The following NDUFA10 variants were observed in gnomAD, a reference collection of about 807,000 sequenced individuals.
NDUFA10 encodes NADH:ubiquinone oxidoreductase subunit A10.
A neutral mutation model predicts 47.8 loss-of-function variants in NDUFA10; 40 were observed. The observed-to-expected ratio is 0.84, with a 90% confidence interval of 0.65 to 1.09. The LOEUF (loss-of-function observed/expected upper bound fraction) is 1.09. Ranked by LOEUF, NDUFA10 falls within the 50% of genes least tolerant of loss-of-function variation. The pLI, the probability that NDUFA10 is intolerant of heterozygous loss-of-function variation, is 0.00. For synonymous variants in NDUFA10, 183 were observed against 172.2 expected, an observed-to-expected ratio of 1.06 and a Z score of -0.49; for missense variants, 413 against 451.1, an observed-to-expected ratio of 0.92 and a Z score of 0.76.
rs961738534 is a variant in NDUFA10, at chr2:239,945,483, G to A, written c.294+44591C>T. Among the ~76,000 whole-genome samples the A allele has an allele frequency of 1.3e-5, 2 of 152,084 alleles. No individual in the cohort carries two copies. The highest frequency in any genetic ancestry group is 2.9e-5 in the Non-Finnish European group (2 of 68,022). ...GAAGAGCGGACACCCCAACCGGAAC[G>A]CAGGCTGCACCGCGAGGCTCCCTGC... is the stretch of plus-strand genomic sequence containing the variant. On this transcript the variant is annotated intron_variant, in intron 4 of 5. Transcript: ENST00000419408. The surrounding 1 kb of genome is among the most constrained non-coding windows in gnomAD (Gnocchi z 4.6).
rs1299814974 is a variant in NDUFA10, at chr2:239,949,576, T to C, written c.294+40498A>G. 2.0e-5 allele frequency among the ~76,000 whole-genome samples: 3 copies of C among 152,154 alleles called. 1 individual carries two copies. Among genetic ancestry groups the C allele is most frequent in the Non-Finnish European group, 4.4e-5 (3 of 68,028 alleles). On this transcript the variant is annotated intron_variant, in intron 4 of 5. Transcript: ENST00000419408. ...GTCTTCTCTGTTGCTCAGGCTGGAG[T>C]GCAAACTCCTGGGCTCAAGCAATCC...
Position 239,899,473 on chromosome 2 carries a change from G to T in NDUFA10, c.295-4159C>A, listed in dbSNP as rs981387732. Among the ~76,000 whole-genome samples the T allele has an allele frequency of 5.7e-4, 71 of 124,084 alleles. 3 individuals carry two copies. The highest frequency in any genetic ancestry group is 4.8e-3 in the Middle Eastern group (1 of 208). The allele number at this position is 124,084 out of a possible 152,430, so 81.4% of individuals were successfully genotyped here. ...TGTGATGGAGGGGTGTGACGGAGGGGTGTGATGGAGAGGTGTGATGGAGGG... is the reference window on the plus strand; with the variant it reads ...TGTGATGGAGGGGTGTGACGGAGGGTTGTGATGGAGAGGTGTGATGGAGGG... On this transcript the variant is annotated intron_variant, in intron 4 of 5. Coordinates refer to the NDUFA10 transcript ENST00000419408.
At chr2:239,938,703 G>C (rs6437328) in intron 4 of NDUFA10, among the ~76,000 whole-genome samples, 75,916 of 152,062 alleles carry the variant, frequency 0.5, 19,733 homozygotes, top group African/African-American at 0.64. Context: ...GATGCCGGCA[G>C]AGGGGACCTG....
intron 4 of NDUFA10, 66 bp from the exon 5 acceptor site, chr2:240,014,926 C>T (rs769813097): frequency 1.9e-5 from 30 of 1,608,512 alleles, no homozygotes; most frequent in Non-Finnish European, 2.5e-5. Context: ...AAACACACTC[C>T]TCCTTGAATA....
chr2:239,959,090 T>C lies in NDUFA10; in HGVS notation c.*2028A>G, dbSNP rs1160796440. The C allele has an allele frequency of 1.1e-5, 11 of 985,352 alleles. No homozygotes were observed. The highest frequency in any genetic ancestry group is 1.3e-5 in the Non-Finnish European group (11 of 829,948). The allele number at this position is 985,352 out of a possible 1,614,324, so 61.0% of individuals were successfully genotyped here. On this transcript the variant is annotated 3_prime_UTR_variant, in exon 10 of 10. Transcript: ENST00000252711. ...TTTATTCATCTTTCTCTGCTGAACATGCATGTCATTGAAAACACCAGAAAA... is the reference window on the plus strand; with the variant it reads ...TTTATTCATCTTTCTCTGCTGAACACGCATGTCATTGAAAACACCAGAAAA...
intron 8 of NDUFA10, among the ~76,000 whole-genome samples, chr2:239,994,988 G>A (rs1329601553): frequency 4.6e-5 from 7 of 152,158 alleles, no homozygotes; most frequent in African/African-American, 1.7e-4. Context: ...ATAAAAAGTG[G>A]AAGAGGCCGG....
At chr2:239,968,569 A>T (rs1033706477) in intron 9 of NDUFA10, among the ~76,000 whole-genome samples, 7 of 152,124 alleles carry the variant, frequency 4.6e-5, no homozygotes, top group Non-Finnish European at 1.0e-4. Flanking sequence ...GGAGAAACTG[A>T]GTCTGGTGGT....
chr2:239,947,483 C>T (rs1694473897), intron 4 of NDUFA10, among the ~76,000 whole-genome samples: 1 of 152,210 alleles, frequency 6.6e-6, no homozygotes, highest in Admixed American at 6.5e-5. Flanking sequence ...GCAGCTGCTA[C>T]CAGATACAGA....
chr2:239,896,540 C>T (rs1237963974), intron 4 of NDUFA10, among the ~76,000 whole-genome samples: 4 of 152,122 alleles, frequency 2.6e-5, no homozygotes, highest in Non-Finnish European at 5.9e-5. Flanking sequence ...AGTGGGGCCA[C>T]GGAAGGGAGG....
At chr2:239,969,459 G>A (rs978167112) in intron 9 of NDUFA10, 5 of 248,046 alleles carry the variant, frequency 2.0e-5, no homozygotes, top group Non-Finnish European at 3.8e-5. Context: ...TCTGCTGCCT[G>A]TTCATGCCAC....
chr2:239,903,409 G>A (rs543936903), intron 4 of NDUFA10, among the ~76,000 whole-genome samples: 5 of 152,298 alleles, frequency 3.3e-5, no homozygotes, highest in South Asian at 4.1e-4. Context: ...ACCTGCAGTC[G>A]CGTTGGACAG....
chr2:239,943,093 C>T (rs576000682), intron 4 of NDUFA10: 1 of 154,544 alleles, frequency 6.5e-6, no homozygotes, highest in Non-Finnish European at 1.5e-5. Context: ...CAGGCCATGC[C>T]CACAGGCCAA....
intron 9 of NDUFA10, among the ~76,000 whole-genome samples, chr2:239,967,979 T>TACAC (rs61166045): frequency 0.11 from 15,562 of 147,446 alleles, 1,034 homozygotes; most frequent in African/African-American, 0.17. Context: ...GAAAAAAATA[T>TACAC]ACACACACAC....
chr2:239,908,148 C>G lies in NDUFA10; in HGVS notation c.295-12834G>C, dbSNP rs1207060925. On this transcript the variant is annotated intron_variant, in intron 4 of 5. Coordinates refer to the NDUFA10 transcript ENST00000419408. ...CATTCTGAGCAAACTATCGCAAGGA[C>G]AGAAAACCAAACACTGCATGTTCTC... Among the ~76,000 whole-genome samples the G allele has an allele frequency of 9.3e-5, 14 of 151,132 alleles. No individual in the cohort carries two copies. The East Asian group carries it at 2.7e-3, about 30-fold the overall frequency.
chr2:240,003,606 A>C (rs1396578852), intron 8 of NDUFA10, among the ~76,000 whole-genome samples: 1 of 152,238 alleles, frequency 6.6e-6, no homozygotes. Flanking sequence ...ATCTTGATTT[A>C]TAAATAATCA....
chr2:240,003,774 G>A (rs1696826501), intron 8 of NDUFA10, among the ~76,000 whole-genome samples: 1 of 152,170 alleles, frequency 6.6e-6, no homozygotes, highest in South Asian at 2.1e-4. Context: ...GCAGTGATGA[G>A]AAGCAGCAGG....
At chr2:239,955,684 C>A (rs1694639085), downstream of NDUFA10, among the ~76,000 whole-genome samples, 1 of 152,124 alleles carries the variant, frequency 6.6e-6, no homozygotes, top group African/African-American at 2.4e-5. Flanking sequence ...GAGGGGGCCG[C>A]AGGACAGACC....
At chr2:239,973,832 T>C (rs905446662) in intron 9 of NDUFA10, among the ~76,000 whole-genome samples, 1 of 152,170 alleles carries the variant, frequency 6.6e-6, no homozygotes, top group African/African-American at 2.4e-5. Context: ...GGGCACAAAA[T>C]GAGGAGGGTC....
At chr2:239,904,644 C>T (rs564762232) in intron 4 of NDUFA10, among the ~76,000 whole-genome samples, 16 of 152,330 alleles carry the variant, frequency 1.1e-4, no homozygotes, top group Middle Eastern at 3.4e-3. Flanking sequence ...AGGCCCTGCC[C>T]TAGGCACGGT....
Sources: allele counts gnomAD v4.1 joint callset (sites outside exome capture counted in the v4.1 genomes callset), GRCh38; gene constraint gnomAD v4.1.1; non-coding constraint Gnocchi (gnomAD v3.1); transcripts MANE v1.5; gene names NCBI Gene and HGNC (gene_info 2026-07-23, HGNC 2026-07-21).